Variants in CNTN5 observed in about 807,000 individuals in gnomAD.
CNTN5 encodes the protein contactin 5.
A neutral mutation model predicts 129.1 loss-of-function variants in CNTN5; 77 were observed. The ratio of observed to expected loss-of-function variants is 0.60; its 90% CI spans 0.50 to 0.72. The LOEUF is 0.72. Ranked by LOEUF, CNTN5 falls within the 30% of genes least tolerant of loss-of-function variation. The probability of loss-of-function intolerance (pLI) is 0.00; values close to 1 mark genes in which losing one functional copy is unlikely to be tolerated. For synonymous variants in CNTN5, 509 were observed against 465.6 expected, an observed-to-expected ratio of 1.09 and a Z score of -1.20; for missense variants, 1,478 against 1,328.8, an observed-to-expected ratio of 1.11 and a Z score of -1.75.
chr11:99,999,166 T>G (rs1377405753), intron 8 of CNTN5, among the ~76,000 whole-genome samples: 6 of 152,006 alleles, frequency 3.9e-5, no homozygotes, highest in Non-Finnish European at 7.4e-5. Context: ...GGGATCTAAT[T>G]AAACTAAAGA....
intron 8 of CNTN5, among the ~76,000 whole-genome samples, chr11:99,981,077 GATATATATATATAT>G (rs372749441): frequency 1.7e-5 from 1 of 57,598 alleles, no homozygotes; most frequent in Non-Finnish European, 3.5e-5. Context: ...GAGCCAATAG[GATATATATATATAT>G]ATATATATAT....
chr11:99,506,309 C>T (rs1020285532), intron 2 of CNTN5, among the ~76,000 whole-genome samples: 13 of 152,126 alleles, frequency 8.5e-5, no homozygotes, highest in African/African-American at 3.1e-4. Context: ...AAAAAATGTT[C>T]TCTCTTTTTA....
At chr11:99,892,513 A>G (rs1220781397) in intron 6 of CNTN5, among the ~76,000 whole-genome samples, 2 of 152,158 alleles carry the variant, frequency 1.3e-5, no homozygotes, top group Non-Finnish European at 2.9e-5. Flanking sequence ...ATAAGGTGTA[A>G]GGAAGGGGTC....
At chr11:99,240,215 G>C (rs1022731576) in intron 1 of CNTN5, among the ~76,000 whole-genome samples, 2 of 152,110 alleles carry the variant, frequency 1.3e-5, no homozygotes, top group South Asian at 4.1e-4. Context: ...GCCTGGGGTT[G>C]CCTTTAAATT....
intron 2 of CNTN5, among the ~76,000 whole-genome samples, chr11:99,355,782 T>G (rs1938604295): frequency 6.6e-6 from 1 of 151,728 alleles, no homozygotes; most frequent in African/African-American, 2.4e-5. Context: ...TAGTTTATTG[T>G]CCTCATGGTC....
chr11:99,894,287 G>A (rs981009988), intron 6 of CNTN5, among the ~76,000 whole-genome samples: 2 of 151,958 alleles, frequency 1.3e-5, no homozygotes, highest in African/African-American at 4.8e-5. Context: ...AAGAAGCAAG[G>A]TTTAAGTTCA....
chr11:99,833,553 A>G (rs1429988381), intron 4 of CNTN5, among the ~76,000 whole-genome samples: 1 of 152,204 alleles, frequency 6.6e-6, no homozygotes, highest in Non-Finnish European at 1.5e-5. Context: ...ACAACTTTAA[A>G]GTAGGCTAGG....
Position 99,313,023 on chromosome 11 carries a change from A to C in CNTN5, c.-209-12323A>C, listed in dbSNP as rs1224267. On this transcript the variant is annotated intron_variant, in intron 1 of 24. Coordinates refer to ENST00000524871, the MANE Select transcript of CNTN5 (RefSeq NM_014361.4). ...AAGTAGAAAACCCAGAGCTACCTGG[A>C]ATTACACTACACTCAATTATACTCG... 1.3e-3 allele frequency among the ~76,000 whole-genome samples: 201 copies of C among 152,184 alleles called. 4 individuals are homozygous for C. The highest frequency in any genetic ancestry group is 6.8e-3 in the Middle Eastern group (2 of 294).
chr11:99,317,260 C>T (rs1223180250), intron 1 of CNTN5, among the ~76,000 whole-genome samples: 1 of 152,132 alleles, frequency 6.6e-6, no homozygotes, highest in Non-Finnish European at 1.5e-5. Context: ...GCAACCAATT[C>T]CGTGCTCTGT....
At chr11:99,665,029 A>G (rs534523154) in intron 3 of CNTN5, among the ~76,000 whole-genome samples, 4 of 152,174 alleles carry the variant, frequency 2.6e-5, no homozygotes, top group Admixed American at 1.3e-4. Context: ...AAGAATATGT[A>G]ATTATGTTTA....
intron 3 of CNTN5, among the ~76,000 whole-genome samples, chr11:99,634,724 C>T (rs1424391420): frequency 4.6e-5 from 7 of 152,196 alleles, no homozygotes; most frequent in Admixed American, 6.5e-5. Context: ...GGATTAGGAA[C>T]TCTGCCCAGT....
Position 99,564,325 on chromosome 11 carries a change from C to T in CNTN5, c.55+8056C>T, listed in dbSNP as rs542208500. ...CTGGTTTTGAATTCCTGGCCTCAAG[C>T]GATCCTCCTGCCCAGGCCTCCTAAA... On this transcript the variant is annotated intron_variant, in intron 3 of 24. Transcript: ENST00000524871. Among the ~76,000 whole-genome samples the T allele has an allele frequency of 2.3e-4, 35 of 152,064 alleles. No individual in the cohort carries two copies. The South Asian group carries it at 5.2e-3, about 22-fold the overall frequency.
At chr11:99,572,377 C>T (rs545875145) in intron 3 of CNTN5, among the ~76,000 whole-genome samples, 5 of 152,344 alleles carry the variant, frequency 3.3e-5, no homozygotes, top group Admixed American at 3.3e-4. Flanking sequence ...GTGCTAGATG[C>T]AGCCTGCTGG....
intron 3 of CNTN5, among the ~76,000 whole-genome samples, chr11:99,668,871 G>A (rs1368829463): frequency 6.6e-6 from 1 of 152,100 alleles, no homozygotes; most frequent in Non-Finnish European, 1.5e-5. Context: ...AGTTGGCATT[G>A]TTAAGGACGA....
At chr11:99,218,222 C>T (rs189790122) in intron 1 of CNTN5, among the ~76,000 whole-genome samples, 1 of 152,250 alleles carries the variant, frequency 6.6e-6, no homozygotes, top group African/African-American at 2.4e-5. Flanking sequence ...GTGACATCAA[C>T]TTCCCTTTGA....
At chr11:99,787,230 G>A (rs1945563471) in intron 3 of CNTN5, among the ~76,000 whole-genome samples, 2 of 151,470 alleles carry the variant, frequency 1.3e-5, no homozygotes, top group Admixed American at 6.6e-5. Flanking sequence ...AATGAGTAGA[G>A]TGAAGAATGT....
At chr11:100,143,788 T>C (rs1389956842) in intron 13 of CNTN5, among the ~76,000 whole-genome samples, 1 of 152,126 alleles carries the variant, frequency 6.6e-6, no homozygotes, top group Non-Finnish European at 1.5e-5. Flanking sequence ...GTCAGAGCTT[T>C]CACGGGAAAG....
At chr11:99,724,227 T>C (rs1943265378) in intron 3 of CNTN5, among the ~76,000 whole-genome samples, 1 of 152,098 alleles carries the variant, frequency 6.6e-6, no homozygotes, top group Non-Finnish European at 1.5e-5. Context: ...TACTCTCTCT[T>C]TGTTTTTTTC....
intron 3 of CNTN5, among the ~76,000 whole-genome samples, chr11:99,657,438 C>T (rs1952418433): frequency 6.6e-6 from 1 of 152,116 alleles, no homozygotes; most frequent in Non-Finnish European, 1.5e-5. Context: ...ACTCTTGAAA[C>T]AGTCTCCATG....
Sources: gnomAD v4.1 joint callset for allele counts (sites outside exome capture counted in the v4.1 genomes callset) on GRCh38, gnomAD v4.1.1 for gene constraint, MANE v1.5 for transcripts, NCBI Gene and HGNC (gene_info 2026-07-23, HGNC 2026-07-21) for gene names.